Variants in GRIK2 observed in about 807,000 individuals in gnomAD.
GRIK2 encodes the protein glutamate ionotropic receptor kainate type subunit 2, also known as glutamate receptor ionotropic, kainate 2.
A neutral mutation model predicts 100.3 loss-of-function variants in GRIK2; 32 were observed. The observed-to-expected ratio is 0.32, with a 90% CI of 0.24 to 0.43. The LOEUF (loss-of-function observed/expected upper bound fraction) is 0.43. Ranked by LOEUF, GRIK2 falls within the 20% of genes least tolerant of loss-of-function variation. The pLI, the probability that GRIK2 is intolerant of heterozygous loss-of-function variation, is 1.00. For synonymous variants in GRIK2, 417 were observed against 389.4 expected (o/e 1.07, Z -0.83); for missense variants, 843 against 1,114.9 (o/e 0.76, Z 3.47).
intron 2 of GRIK2, among the ~76,000 whole-genome samples, chr6:101,410,707 A>T (rs1016573639): frequency 6.6e-6 from 1 of 152,162 alleles, no homozygotes; most frequent in Non-Finnish European, 1.5e-5. Context: ...ACTTCAATGT[A>T]TAAATACTCT....
intron 12 of GRIK2, among the ~76,000 whole-genome samples, chr6:101,922,362 A>T (rs540777183): frequency 1.3e-5 from 2 of 152,256 alleles, no homozygotes; most frequent in East Asian, 3.9e-4. Context: ...TAGTGATCTC[A>T]GTCAAACAAA....
chr6:101,615,204 G>T (rs1779838951), intron 2 of GRIK2, among the ~76,000 whole-genome samples: 1 of 151,600 alleles, frequency 6.6e-6, no homozygotes, highest in Admixed American at 6.6e-5. Context: ...TTTAATATAA[G>T]CTTGGAAAAA....
At chr6:101,653,249 C>A (rs552258973) in intron 4 of GRIK2, among the ~76,000 whole-genome samples, 9 of 152,180 alleles carry the variant, frequency 5.9e-5, no homozygotes, top group Admixed American at 2.0e-4. Context: ...CCCCTCAGAA[C>A]GTCATACCTG....
chr6:101,571,889 C>T (rs899961079), intron 2 of GRIK2, among the ~76,000 whole-genome samples: 2 of 151,990 alleles, frequency 1.3e-5, no homozygotes, highest in African/African-American at 4.8e-5. Flanking sequence ...CTGTATATAA[C>T]AAAATCTCAT....
intron 2 of GRIK2, 73 bp downstream of exon 2, chr6:101,399,465 C>T: frequency 3.7e-6 from 3 of 800,732 alleles, no homozygotes; most frequent in South Asian, 2.7e-5. Context: ...GCGGTTCGCT[C>T]TGCCTGGCGG....
At chr6:101,828,072 C>G (rs934183968) in intron 10 of GRIK2, among the ~76,000 whole-genome samples, 1 of 151,840 alleles carries the variant, frequency 6.6e-6, no homozygotes, top group African/African-American at 2.4e-5. Flanking sequence ...GAAATCACAC[C>G]AAGCATCTTC....
rs1425855333 is a variant in GRIK2 at position 101,759,955 on chromosome 6, C to T, written c.952-39693C>T. On this transcript the variant is annotated intron_variant, in intron 7 of 16. Transcript: ENST00000369134. ...GGACTGCAGTGGCGCAATCTCGGCT[C>T]ACTTCCCGGGTTCACGCCATTCTCC... Among the ~76,000 whole-genome samples, 5 of 125,624 alleles carry T rather than the reference C, an allele frequency of 4.0e-5. 1 individual carries two copies. Among genetic ancestry groups the T allele is most frequent in the African/African-American group, 2.0e-4 (5 of 25,212 alleles). The allele number at this position is 125,624 out of a possible 152,430, so 82.4% of individuals were successfully genotyped here.
At chr6:101,415,354 TTTTTCCATAAC>T (rs1776082893) in intron 2 of GRIK2, among the ~76,000 whole-genome samples, 1 of 150,762 alleles carries the variant, frequency 6.6e-6, no homozygotes, top group African/African-American at 2.4e-5. Flanking sequence ...TCGTCAAGTA[TTTTTCCATAAC>T]TTTTTTTTTT....
At chr6:101,568,546 T>C (rs1359015874) in intron 2 of GRIK2, among the ~76,000 whole-genome samples, 1 of 152,084 alleles carries the variant, frequency 6.6e-6, no homozygotes, top group Non-Finnish European at 1.5e-5. Flanking sequence ...ACTGTACTTG[T>C]ATCCTAAAGA....
At chr6:101,418,565 A>G (rs1046404313) in intron 2 of GRIK2, among the ~76,000 whole-genome samples, 4 of 152,298 alleles carry the variant, frequency 2.6e-5, no homozygotes, top group Non-Finnish European at 4.4e-5. Flanking sequence ...GCTTGGTCAC[A>G]AAAGACATCT....
chr6:101,497,350 CCATAG>C (rs1257299202), intron 2 of GRIK2, among the ~76,000 whole-genome samples: 1 of 152,130 alleles, frequency 6.6e-6, no homozygotes, highest in Non-Finnish European at 1.5e-5. Flanking sequence ...TTAATACGTG[CCATAG>C]TACTGGGCAC....
At chr6:101,452,986 A>C (rs1474976943) in intron 2 of GRIK2, among the ~76,000 whole-genome samples, 3 of 151,844 alleles carry the variant, frequency 2.0e-5, no homozygotes, top group Non-Finnish European at 4.4e-5. Flanking sequence ...TACTATAAAA[A>C]TGCAGTTTTC....
intron 10 of GRIK2, among the ~76,000 whole-genome samples, chr6:101,827,899 G>A (rs143319806): frequency 5.3e-5 from 8 of 151,938 alleles, no homozygotes; most frequent in Admixed American, 3.9e-4. Context: ...AAGAAATTCT[G>A]CACTTAAATT....
chr6:102,045,110 C>T lies in GRIK2; in HGVS notation c.2311+9544C>T, dbSNP rs570980359. 1.2e-4 allele frequency among the ~76,000 whole-genome samples: 19 copies of T among 152,084 alleles called. No individual in the cohort carries two copies. In the South Asian group the frequency reaches 1.7e-3, roughly 13 times the overall value. ...TGTTGAGTACATAAATATTACTTAG[C>T]GTAGCTGTGAGATCCTAAGTATATA... On this transcript the variant is annotated intron_variant, in intron 15 of 16. Coordinates refer to ENST00000369134, the MANE Select transcript of GRIK2 (RefSeq NM_021956.5).
At chr6:101,777,894 C>T (rs1197807857) in intron 7 of GRIK2, among the ~76,000 whole-genome samples, 1 of 152,210 alleles carries the variant, frequency 6.6e-6, no homozygotes, top group African/African-American at 2.4e-5. Context: ...TACTCACATT[C>T]CTCTCCAGTC....
At chr6:102,041,688 A>G (rs1770584292) in intron 15 of GRIK2, among the ~76,000 whole-genome samples, 1 of 151,562 alleles carries the variant, frequency 6.6e-6, no homozygotes, top group Non-Finnish European at 1.5e-5. Context: ...ACATAATTGG[A>G]TTGTGATAAA....
intron 2 of GRIK2, among the ~76,000 whole-genome samples, chr6:101,587,664 G>A (rs1778444529): frequency 6.6e-6 from 1 of 152,084 alleles, no homozygotes; most frequent in African/African-American, 2.4e-5. Flanking sequence ...ATAATTAGTT[G>A]AACAACAGGT....
intron 2 of GRIK2, among the ~76,000 whole-genome samples, chr6:101,601,729 A>G (rs1160086114): frequency 6.6e-6 from 1 of 151,934 alleles, no homozygotes; most frequent in Non-Finnish European, 1.5e-5. Context: ...ATAGGTGTTC[A>G]TAATAGTCTC....
chr6:101,970,056 C>A (rs1215894540), intron 14 of GRIK2, among the ~76,000 whole-genome samples: 1 of 151,988 alleles, frequency 6.6e-6, no homozygotes, highest in East Asian at 1.9e-4. Context: ...AATCACATGC[C>A]TATTTTTATA....
Sources: gnomAD v4.1 joint callset for allele counts (sites outside exome capture counted in the v4.1 genomes callset) on GRCh38, gnomAD v4.1.1 for gene constraint, MANE v1.5 for transcripts, NCBI Gene and HGNC (gene_info 2026-07-23, HGNC 2026-07-21) for gene names.